The following GRAP2 variants were observed in gnomAD, a reference collection of about 807,000 sequenced individuals.
The protein encoded by GRAP2 is GRB2 related adaptor protein 2, also known as GRB2-related adapter protein 2.
GRAP2 carries 31 observed loss-of-function variants against 43.5 expected under a neutral mutation model. The observed-to-expected ratio is 0.71, with a 90% confidence interval of 0.54 to 0.96. GRAP2 has a LOEUF of 0.96. Ranked by LOEUF, GRAP2 falls within the 40% of genes least tolerant of loss-of-function variation. The probability of loss-of-function intolerance (pLI) is 0.00; values close to 1 mark genes in which losing one functional copy is unlikely to be tolerated. For missense variants in GRAP2, 371 were observed against 424.4 expected (o/e 0.87, Z 1.11); for synonymous variants, 156 against 164.8 (o/e 0.95, Z 0.41).
chr22:39,922,752 G>A (rs1229268976), intron 1 of GRAP2, among the ~76,000 whole-genome samples: 1 of 152,160 alleles, frequency 6.6e-6, no homozygotes, highest in Non-Finnish European at 1.5e-5. Context: ...TCAATTTCAG[G>A]TATATTTAGG....
intron 1 of GRAP2, among the ~76,000 whole-genome samples, chr22:39,905,725 C>T (rs539482669): frequency 6.6e-6 from 1 of 152,248 alleles, no homozygotes; most frequent in African/African-American, 2.4e-5. Flanking sequence ...AACTGAGGTA[C>T]GGAGAGGTCT....
intron 1 of GRAP2, among the ~76,000 whole-genome samples, chr22:39,931,974 G>A (rs1296534976): frequency 1.3e-5 from 2 of 152,146 alleles, no homozygotes; most frequent in Admixed American, 6.5e-5. Context: ...GGATATATGA[G>A]TGAGATTATA....
chr22:39,943,480 G>A (rs779603325), intron 1 of GRAP2, among the ~76,000 whole-genome samples: 6 of 152,132 alleles, frequency 3.9e-5, no homozygotes, highest in Admixed American at 6.5e-5. Flanking sequence ...GAGAGGTGCA[G>A]AGGGCTGGTG....
Position 39,901,112 on chromosome 22 carries a change from G to A in GRAP2, c.-233G>A, listed in dbSNP as rs1403337324. On this transcript the variant is annotated 5_prime_UTR_variant, in exon 1 of 8. Transcript: ENST00000344138. The stretch of plus-strand genomic sequence containing the variant: ...CTGCAGGGCTGACTAGGGTTAGTTT[G>A]GAGGAGGGAGTAAGAGGTGGGGAGG... 1 of 403,814 alleles carries A rather than the reference G, an allele frequency of 2.5e-6. No homozygotes were observed. Among genetic ancestry groups the A allele is most frequent in the Non-Finnish European group, 5.0e-6 (1 of 202,004 alleles). 25.0% of individuals were successfully genotyped at this position (403,814 alleles called of 1,614,324 possible). A position where few individuals can be genotyped will look rare whatever the true frequency, so the allele number is the denominator to read the frequency against.
chr22:39,896,710 G>A (rs1431069488), upstream of GRAP2, among the ~76,000 whole-genome samples: 1 of 152,168 alleles, frequency 6.6e-6, no homozygotes, highest in African/African-American at 2.4e-5. Context: ...AAAGTGTCAA[G>A]TGTTACCAGC....
At position 39,944,099 on chromosome 22, in the gene GRAP2, G is replaced by GC. The variant is rs993537384; in HGVS notation, c.-14-2988dup. 3.3e-5 allele frequency among the ~76,000 whole-genome samples: 5 copies of GC among 152,158 alleles called. 1 individual carries two copies. The highest frequency in any genetic ancestry group is 9.6e-5 in the African/African-American group (4 of 41,476). ...TCTTGAATTCAGGCTGTTGCACTCC[G>GC]CCCCCCACAACTCTGTCTAAATTGT... On this transcript the variant is annotated intron_variant, in intron 1 of 7. Transcript: ENST00000344138.
chr22:39,898,715 A>G (rs1001954202), upstream of GRAP2, among the ~76,000 whole-genome samples: 6 of 152,286 alleles, frequency 3.9e-5, no homozygotes, highest in East Asian at 1.2e-3. Context: ...CGGGAGGCTG[A>G]GGCAGGAGAA....
At chr22:39,938,702 G>A (rs2066832723) in intron 1 of GRAP2, among the ~76,000 whole-genome samples, 1 of 152,246 alleles carries the variant, frequency 6.6e-6, no homozygotes, top group South Asian at 2.1e-4. Flanking sequence ...TCAAGAATCA[G>A]CTGCCCGTTA....
chr22:39,929,619 G>A lies in GRAP2; in HGVS notation c.-14-17474G>A, dbSNP rs189941586. On this transcript the variant is annotated intron_variant, in intron 1 of 7. Transcript: ENST00000344138. Reference sequence around the variant, plus strand: ...GCTGAACAAATGAACTCCTCCGCATGACCAAGGTGTCCCATCCCTCCCTGC... The same window carrying A: ...GCTGAACAAATGAACTCCTCCGCATAACCAAGGTGTCCCATCCCTCCCTGC... Among the ~76,000 whole-genome samples, 78 of 152,266 alleles carry A rather than the reference G, an allele frequency of 5.1e-4. 1 individual carries two copies. Among genetic ancestry groups the A allele is most frequent in the Admixed American group, 3.3e-4 (5 of 15,284 alleles).
chr22:39,920,520 C>T (rs755661247), intron 1 of GRAP2, among the ~76,000 whole-genome samples: 2 of 152,150 alleles, frequency 1.3e-5, no homozygotes, highest in Non-Finnish European at 2.9e-5. Context: ...GCTCAGTGTT[C>T]GAGCCCCCTC....
In GRAP2 at chr22:39,961,795, A is replaced by C. The variant is rs970533281; in HGVS notation, c.290+1621A>C. ...AGGAAATACCGATCTGGTTTATTCAATATATTTTGAAAGGCATAAAGCTTT... is the reference window on the plus strand; with the variant it reads ...AGGAAATACCGATCTGGTTTATTCACTATATTTTGAAAGGCATAAAGCTTT... On this transcript the variant is annotated intron_variant, in intron 4 of 7. Transcript: ENST00000344138. Among the ~76,000 whole-genome samples, 11 of 152,248 alleles carry C rather than the reference A, an allele frequency of 7.2e-5. No individual in the cohort carries two copies. In the East Asian group the frequency reaches 1.2e-3, roughly 16 times the overall value.
Position 39,911,537 on chromosome 22 carries a change from G to A in GRAP2, c.-15+10207G>A, listed in dbSNP as rs370533513. Among the ~76,000 whole-genome samples, 272 of 152,100 alleles carry A rather than the reference G, an allele frequency of 1.8e-3. 2 individuals are homozygous for A. The highest frequency in any genetic ancestry group is 6.1e-3 in the African/African-American group (252 of 41,486). ...TCATAGATTTTCATCCCTGGCCAGC[G>A]CAGAGAGCTCACAGGTAACTTGTAT... On this transcript the variant is annotated intron_variant, in intron 1 of 7. Coordinates refer to ENST00000344138, the MANE Select transcript of GRAP2 (RefSeq NM_004810.4).
intron 1 of GRAP2, among the ~76,000 whole-genome samples, chr22:39,932,223 T>C (rs76625058): frequency 5.9e-5 from 9 of 152,186 alleles, no homozygotes. Context: ...GAGATTTCTG[T>C]GGAGAAAGTA....
chr22:39,917,783 A>T (rs577422979), intron 1 of GRAP2, among the ~76,000 whole-genome samples: 2 of 152,350 alleles, frequency 1.3e-5, no homozygotes, highest in Non-Finnish European at 2.9e-5. Flanking sequence ...AGAAAAATTA[A>T]TGGCATTAGG....
At chr22:39,905,482 T>C (rs2066517257) in intron 1 of GRAP2, among the ~76,000 whole-genome samples, 1 of 152,158 alleles carries the variant, frequency 6.6e-6, no homozygotes, top group Non-Finnish European at 1.5e-5. Flanking sequence ...GGACGAGTTA[T>C]TCTTTTTGTG....
chr22:39,962,752 G>A (rs1439283712), intron 4 of GRAP2, among the ~76,000 whole-genome samples: 1 of 152,034 alleles, frequency 6.6e-6, no homozygotes, highest in Non-Finnish European at 1.5e-5. Context: ...CCGCCTCCCA[G>A]GTTCAAAGCA....
At chr22:39,923,477 A>G (rs1434501850) in intron 1 of GRAP2, among the ~76,000 whole-genome samples, 1 of 152,206 alleles carries the variant, frequency 6.6e-6, no homozygotes, top group East Asian at 1.9e-4. Context: ...ATCTATGCCT[A>G]GCATAGTATA....
intron 1 of GRAP2, among the ~76,000 whole-genome samples, chr22:39,906,444 A>G (rs1431525968): frequency 1.3e-5 from 2 of 152,202 alleles, no homozygotes; most frequent in Non-Finnish European, 2.9e-5. Flanking sequence ...CTTCATTAGC[A>G]TTACAAAAGG....
At chr22:39,959,134 C>A (rs1292492419) in intron 3 of GRAP2, among the ~76,000 whole-genome samples, 1 of 152,166 alleles carries the variant, frequency 6.6e-6, no homozygotes. Context: ...CACCTTTGGC[C>A]GCTGAGTGAT....
Sources: gnomAD v4.1 joint callset for allele counts (sites outside exome capture counted in the v4.1 genomes callset) on GRCh38, gnomAD v4.1.1 for gene constraint, MANE v1.5 for transcripts, NCBI Gene and HGNC (gene_info 2026-07-23, HGNC 2026-07-21) for gene names.